HSD17B14: variants seen among roughly 807,000 people sequenced by gnomAD.
The protein encoded by HSD17B14 is hydroxysteroid 17-beta dehydrogenase 14, also known as L-fucose dehydrogenase.
In HSD17B14, 32 loss-of-function variants were observed where a neutral mutation model predicts 32.2. The ratio of observed to expected loss-of-function variants is 0.99; its 90% confidence interval spans 0.75 to 1.33. The LOEUF is 1.33. HSD17B14 is among the 40% of genes most tolerant of loss of function. HSD17B14 has a pLI of 0.00. For missense variants in HSD17B14, 370 were observed against 366.5 expected (o/e 1.01, Z -0.08); for synonymous variants, 140 against 155.4 (o/e 0.90, Z 0.74).
At chr19:48,829,899 T>C (rs2122788196) in intron 5 of HSD17B14, among the ~76,000 whole-genome samples, 1 of 152,300 alleles carries the variant, frequency 6.6e-6, no homozygotes, top group East Asian at 1.9e-4. Context: ...TGCCTCGGCC[T>C]CCCAAAGTGC....
intron 2 of HSD17B14, among the ~76,000 whole-genome samples, 165 bp from the exon 3 acceptor site, chr19:48,834,523 C>A (rs1386163348): frequency 3.2e-5 from 3 of 93,604 alleles, no homozygotes; most frequent in Admixed American, 2.1e-4. Flanking sequence ...GAAGTAGGGC[C>A]TGGGGGCCTG....
At chr19:48,821,458 T>A (rs551452827) in intron 5 of HSD17B14, among the ~76,000 whole-genome samples, 25 of 152,242 alleles carry the variant, frequency 1.6e-4, no homozygotes, top group African/African-American at 5.5e-4. Context: ...GCCCTTGTTT[T>A]CCCTAGCCTA....
At chr19:48,826,542 T>TATATATATATATATATATATATATACAC in intron 5 of HSD17B14, among the ~76,000 whole-genome samples, 9 of 80,108 alleles carry the variant, frequency 1.1e-4, no homozygotes, top group Admixed American at 4.8e-4. Flanking sequence ...TATATATATA[T>TATATATATATATATATATATATATACAC]ACACACACAC....
At chr19:48,828,201 G>A (rs186442481) in intron 5 of HSD17B14, among the ~76,000 whole-genome samples, 6 of 152,262 alleles carry the variant, frequency 3.9e-5, no homozygotes, top group Non-Finnish European at 5.9e-5. Context: ...GAGAGGCGGT[G>A]ATTACAAAAG....
intron 6 of HSD17B14, 47 bp downstream of exon 6, chr19:48,814,990 C>T (rs754738235): frequency 6.8e-7 from 1 of 1,462,576 alleles, no homozygotes; most frequent in African/African-American, 1.4e-5. Flanking sequence ...AAGCCAAGGC[C>T]CATGGGAAGG....
intron 5 of HSD17B14, among the ~76,000 whole-genome samples, chr19:48,831,309 G>C (rs1178609232): frequency 6.6e-6 from 1 of 152,224 alleles, no homozygotes; most frequent in Non-Finnish European, 1.5e-5. Context: ...TAGATGGCCA[G>C]GCGTGGTGAC....
chr19:48,825,900 A>G (rs1007480555), intron 5 of HSD17B14, among the ~76,000 whole-genome samples: 1 of 151,800 alleles, frequency 6.6e-6, no homozygotes, highest in African/African-American at 2.4e-5. Flanking sequence ...GGCTCACTGC[A>G]AGCTCCGCCT....
In HSD17B14 at chr19:48,836,369, T is replaced by G. The variant is rs138723113; in HGVS notation, c.43A>C (p.Thr15Pro). The change falls in exon 1 of 9, where the codon ACC (threonine) becomes CCC (proline). Residue 15 changes from threonine to proline, a missense_variant. By Grantham distance (38) the Thr-to-Pro change is conservative. Coordinates refer to ENST00000263278, the MANE Select transcript of HSD17B14 (RefSeq NM_016246.3). ...TRYAGKVVVV[T>P]GGGRGIGAGI... ...GCTCCGATGCCGCGCCCGCCCCCGG[T>G]CACGACCACCACCTTCCCGGCATAG... The G allele has an allele frequency of 5.6e-6, 9 of 1,613,366 alleles. No homozygotes were observed. The African/African-American group carries it at 6.7e-5, about 12-fold the overall frequency.
At chr19:48,826,774 C>G (rs922825567) in intron 5 of HSD17B14, among the ~76,000 whole-genome samples, 1 of 151,726 alleles carries the variant, frequency 6.6e-6, no homozygotes, top group African/African-American at 2.4e-5. Flanking sequence ...CTGAAGCTCC[C>G]TGGACACTGG....
rs769820095 is a variant in HSD17B14 at position 48,813,536 on chromosome 19, T to G, written c.559A>C (p.Ile187Leu). The G allele has an allele frequency of 1.3e-5, 21 of 1,613,920 alleles. No homozygotes were observed. In the Admixed American group the frequency reaches 3.2e-4, roughly 24 times the overall value. ...AGCTCCTCCCACAGCGGGGTCCAGA[T>G]GTTTCCTGGGGAGATACTAGAGGAA... is the stretch of plus-strand genomic sequence containing the variant. The part of the protein sequence containing the change: ...VRVNCISPGN[I>L]WTPLWEELAA... The change falls in exon 8 of 9, where the codon ATC (isoleucine) becomes CTC (leucine). Residue 187 changes from isoleucine to leucine, a missense_variant. Physicochemically the swap from Ile to Leu is conservative, Grantham distance 5. Coordinates refer to ENST00000263278, the MANE Select transcript of HSD17B14 (RefSeq NM_016246.3).
intron 5 of HSD17B14, among the ~76,000 whole-genome samples, chr19:48,825,786 G>GC (rs1030858814): frequency 1.3e-5 from 2 of 152,028 alleles, no homozygotes; most frequent in African/African-American, 4.8e-5. Context: ...CTGCCTCCCT[G>GC]CCCCGCAGGT....
At chr19:48,829,791 G>A (rs1191763661) in intron 5 of HSD17B14, among the ~76,000 whole-genome samples, 1 of 151,478 alleles carries the variant, frequency 6.6e-6, no homozygotes, top group East Asian at 1.9e-4. Flanking sequence ...TTATAGGCAT[G>A]TGCCACCACA....
intron 5 of HSD17B14, among the ~76,000 whole-genome samples, chr19:48,822,223 G>A (rs2035166527): frequency 6.9e-6 from 1 of 145,084 alleles, no homozygotes; most frequent in South Asian, 2.4e-4. Context: ...GTTGGGGATG[G>A]TAATGATGGT....
At chr19:48,815,350 C>G (rs1405910919) in intron 5 of HSD17B14, among the ~76,000 whole-genome samples, 1 of 152,126 alleles carries the variant, frequency 6.6e-6, no homozygotes, top group Non-Finnish European at 1.5e-5. Context: ...CAAGGAGTCT[C>G]TCCTTGGTGG....
intron 5 of HSD17B14, among the ~76,000 whole-genome samples, chr19:48,825,299 TAG>T (rs939419503): frequency 8.7e-5 from 13 of 149,196 alleles, no homozygotes; most frequent in African/African-American, 2.7e-4. Flanking sequence ...AGTCAACGGG[TAG>T]AGCAAGTTAT....
At chr19:48,830,295 A>G (rs2122789230) in intron 5 of HSD17B14, among the ~76,000 whole-genome samples, 1 of 152,272 alleles carries the variant, frequency 6.6e-6, no homozygotes, top group East Asian at 1.9e-4. Context: ...CCCGATTAAT[A>G]GTACCCTAAG....
intron 5 of HSD17B14, among the ~76,000 whole-genome samples, chr19:48,816,133 G>A (rs908053821): frequency 2.0e-5 from 3 of 151,786 alleles, no homozygotes; most frequent in South Asian, 2.1e-4. Flanking sequence ...GTGTGTGTGC[G>A]TGTGTGTTCG....
intron 3 of HSD17B14, among the ~76,000 whole-genome samples, 157 bp downstream of exon 3, chr19:48,834,119 C>T (rs961133192): frequency 1.3e-5 from 2 of 152,212 alleles, no homozygotes; most frequent in Non-Finnish European, 2.9e-5. Flanking sequence ...CACAGAAGAC[C>T]TTGTGTGTGG....
At chr19:48,832,620 TTGGGGGGCAGGAG>T in intron 4 of HSD17B14, 33 bp downstream of exon 4, 1 of 1,527,796 alleles carries the variant, frequency 6.5e-7, no homozygotes, top group Non-Finnish European at 9.0e-7. Context: ...GGAAACAGAG[TTGGGGGGCAGGAG>T]GTGGAGAATG....
Sources: gnomAD v4.1 joint callset for allele counts (sites outside exome capture counted in the v4.1 genomes callset) on GRCh38, gnomAD v4.1.1 for gene constraint, MANE v1.5 for transcripts, NCBI Gene and HGNC (gene_info 2026-07-23, HGNC 2026-07-21) for gene names.